The following COL15A1 variants were observed in gnomAD, a reference collection of about 807,000 sequenced individuals.
COL15A1 encodes collagen type XV alpha 1 chain.
A neutral mutation model predicts 165.9 loss-of-function variants in COL15A1; 111 were observed. The ratio of observed to expected loss-of-function variants is 0.67; its 90% CI spans 0.57 to 0.78. The LOEUF (loss-of-function observed/expected upper bound fraction) is 0.78, where lower values mean the gene tolerates loss of function less well. Among genes scored for constraint, COL15A1 ranks in the 30% least tolerant of loss-of-function variants. COL15A1 has a pLI of 0.00. For missense variants in COL15A1, 1,745 were observed against 1,789.7 expected (o/e 0.98, Z 0.45); for synonymous variants, 659 against 674.8 (o/e 0.98, Z 0.36).
intron 39 of COL15A1, among the ~76,000 whole-genome samples, chr9:99,066,170 G>A (rs1329691147): frequency 7.3e-6 from 1 of 137,390 alleles, no homozygotes; most frequent in Non-Finnish European, 1.6e-5. Flanking sequence ...ATGCATTCCA[G>A]AGGGTGTGGC....
chr9:99,010,948 G>A (rs1838838914), intron 9 of COL15A1, among the ~76,000 whole-genome samples: 2 of 152,070 alleles, frequency 1.3e-5, no homozygotes, highest in Admixed American at 6.5e-5. Flanking sequence ...ATATTATATT[G>A]GAAGAAAATA....
chr9:99,039,264 A>G lies in COL15A1; in HGVS notation c.2475+531A>G, dbSNP rs558116293. 2.0e-4 allele frequency among the ~76,000 whole-genome samples: 31 copies of G among 152,292 alleles called. No individual in the cohort carries two copies. In the South Asian group the frequency reaches 6.4e-3, roughly 32 times the overall value. ...GGTGGCTCACGCCTGTAATCCCAAC[A>G]CTTTGGGAGGCTGAGGCAGGCAGAT... On this transcript the variant is annotated intron_variant, in intron 22 of 41. Coordinates refer to ENST00000375001, the MANE Select transcript of COL15A1 (RefSeq NM_001855.5).
At chr9:98,997,647 G>A (rs554156487) in intron 6 of COL15A1, among the ~76,000 whole-genome samples, 1 of 152,336 alleles carries the variant, frequency 6.6e-6, no homozygotes, top group East Asian at 1.9e-4. Flanking sequence ...CCAGAGAGGG[G>A]CCAGTTACCC....
At chr9:99,028,651 A>G (rs4742755) in intron 16 of COL15A1, among the ~76,000 whole-genome samples, 25,531 of 151,898 alleles carry the variant, frequency 0.17, 2,543 homozygotes, top group East Asian at 0.27. Flanking sequence ...CTCCGTCTCC[A>G]GAAAAAATTG....
chr9:98,996,781 C>A (rs560374537), intron 5 of COL15A1, among the ~76,000 whole-genome samples, 153 bp from the exon 6 acceptor site: 36 of 152,336 alleles, frequency 2.4e-4, no homozygotes. Flanking sequence ...GAGGTGCAGC[C>A]ATTGCCCAGG....
intron 2 of COL15A1, among the ~76,000 whole-genome samples, chr9:98,977,788 T>C (rs1212572678): frequency 6.6e-6 from 1 of 152,224 alleles, no homozygotes; most frequent in East Asian, 1.9e-4. Flanking sequence ...AGCTTATACC[T>C]TGCATTTCCC....
chr9:98,969,057 G>A (rs1838002115), intron 2 of COL15A1, among the ~76,000 whole-genome samples: 1 of 152,144 alleles, frequency 6.6e-6, no homozygotes, highest in African/African-American at 2.4e-5. Flanking sequence ...AGTTGTACTT[G>A]GCAAAGCATT....
chr9:98,960,078 CCAG>C (rs1450990607), intron 2 of COL15A1, among the ~76,000 whole-genome samples: 4 of 152,190 alleles, frequency 2.6e-5, no homozygotes, highest in Non-Finnish European at 4.4e-5. Flanking sequence ...GGTCCCTGGA[CCAG>C]CAGCATGGGC....
At chr9:98,970,676 G>A (rs1838033957) in intron 2 of COL15A1, among the ~76,000 whole-genome samples, 1 of 152,152 alleles carries the variant, frequency 6.6e-6, no homozygotes, top group Admixed American at 6.5e-5. Context: ...AGTCTGAATT[G>A]CTTGGGTGTA....
At chr9:99,056,707 C>T (rs568206179) in intron 35 of COL15A1, among the ~76,000 whole-genome samples, 1 of 152,278 alleles carries the variant, frequency 6.6e-6, no homozygotes, top group African/African-American at 2.4e-5. Context: ...GTTCTCTTTT[C>T]TCTCTTTCCC....
chr9:99,020,491 T>C, intron 12 of COL15A1, 49 bp downstream of exon 12: 1 of 1,316,108 alleles, frequency 7.6e-7, no homozygotes, highest in Non-Finnish European at 1.1e-6. Flanking sequence ...TGATCAAGTG[T>C]CCTGAACATG....
chr9:99,062,955 C>T, intron 38 of COL15A1, 95 bp from the exon 39 acceptor site: 1 of 1,446,280 alleles, frequency 6.9e-7, no homozygotes, highest in South Asian at 1.4e-5. Context: ...TTTAAAGCAT[C>T]TTCTCAAGAA....
intron 35 of COL15A1, among the ~76,000 whole-genome samples, chr9:99,058,747 G>A (rs989601778): frequency 1.1e-4 from 17 of 152,212 alleles, no homozygotes; most frequent in African/African-American, 3.9e-4. Flanking sequence ...GAGGTGAAGA[G>A]ACTTACTTGA....
At chr9:98,969,213 G>A (rs1028060184) in intron 2 of COL15A1, among the ~76,000 whole-genome samples, 2 of 152,198 alleles carry the variant, frequency 1.3e-5, no homozygotes, top group Admixed American at 6.5e-5. Flanking sequence ...ATTTATGGGA[G>A]AGAAAAGAAG....
chr9:98,958,030 C>A (rs1837805397), intron 2 of COL15A1, among the ~76,000 whole-genome samples: 1 of 152,190 alleles, frequency 6.6e-6, no homozygotes, highest in South Asian at 2.1e-4. Flanking sequence ...AAGTAATAAC[C>A]CAGTGGAACC....
intron 34 of COL15A1, 23 bp downstream of exon 34, chr9:99,055,395 C>T (rs1453450045): frequency 5.6e-6 from 8 of 1,419,206 alleles, no homozygotes; most frequent in Non-Finnish European, 8.0e-6. Flanking sequence ...CCCTCCAAGT[C>T]ATCTACCCCA....
chr9:98,980,075 A>T (rs1838211119), intron 2 of COL15A1, among the ~76,000 whole-genome samples: 1 of 152,078 alleles, frequency 6.6e-6, no homozygotes, highest in Non-Finnish European at 1.5e-5. Context: ...TGGAAGGGTC[A>T]TTTAAGCCTG....
chr9:98,945,693 G>A (rs954391075), intron 2 of COL15A1, among the ~76,000 whole-genome samples: 1 of 152,228 alleles, frequency 6.6e-6, no homozygotes, highest in Non-Finnish European at 1.5e-5. Context: ...GGCAGCTGGA[G>A]TATAGTTTTA....
chr9:98,963,277 G>GC (rs199579008), intron 2 of COL15A1, among the ~76,000 whole-genome samples: 1,682 of 112,716 alleles, frequency 0.015, 86 homozygotes, highest in Admixed American at 0.088. Context: ...ATGCCTGCAA[G>GC]TCCCCCCAAA....
Sources: allele counts gnomAD v4.1 joint callset (sites outside exome capture counted in the v4.1 genomes callset), GRCh38; gene constraint gnomAD v4.1.1; transcripts MANE v1.5; gene names NCBI Gene and HGNC (gene_info 2026-07-23, HGNC 2026-07-21).